Variants in DIAPH1 observed in about 807,000 individuals in gnomAD.
The protein encoded by DIAPH1 is diaphanous related formin 1.
DIAPH1 carries 46 observed loss-of-function variants against 140.7 expected under a neutral mutation model. That is an observed-to-expected ratio of 0.33 (90% confidence interval 0.26 to 0.42). The LOEUF (loss-of-function observed/expected upper bound fraction) is 0.42. Among genes scored for constraint, DIAPH1 ranks in the 10% least tolerant of loss-of-function variants. DIAPH1 has a pLI of 1.00. For synonymous variants in DIAPH1, 565 were observed against 551.6 expected (o/e 1.02, Z -0.34); for missense variants, 1,310 against 1,558.7 (o/e 0.84, Z 2.69).
intron 18 of DIAPH1, among the ~76,000 whole-genome samples, chr5:141,559,456 A>G (rs2099893181): frequency 6.6e-6 from 1 of 152,240 alleles, no homozygotes; most frequent in Non-Finnish European, 1.5e-5. Flanking sequence ...GCAAACTGGC[A>G]TTAATGAACA....
At chr5:141,582,059 CAAA>C (rs70991705) in intron 7 of DIAPH1, 2,553 of 78,486 alleles carry the variant, frequency 0.033, no homozygotes, top group South Asian at 0.053. Context: ...GACTCCATCT[CAAA>C]AAAAAAAAAA....
At chr5:141,534,023 G>C (rs1046927053) in intron 19 of DIAPH1, among the ~76,000 whole-genome samples, 4 of 110,062 alleles carry the variant, frequency 3.6e-5, no homozygotes, top group Non-Finnish European at 6.8e-5. Context: ...AGAGTGGTGA[G>C]ACTGTGTCTC....
intron 18 of DIAPH1, among the ~76,000 whole-genome samples, chr5:141,568,274 C>T (rs2099894673): frequency 6.7e-6 from 1 of 149,184 alleles, no homozygotes; most frequent in Non-Finnish European, 1.5e-5. Context: ...AAAATGCTCC[C>T]TTGGAGAAAA....
chr5:141,527,725 A>G, intron 23 of DIAPH1, 28 bp from the exon 24 acceptor site: 2 of 1,516,422 alleles, frequency 1.3e-6, no homozygotes, highest in Non-Finnish European at 8.9e-7. Flanking sequence ...AAAAAAAACC[A>G]TAAAAACAGA....
intron 7 of DIAPH1, 43 bp from the exon 8 acceptor site, chr5:141,580,926 G>T: frequency 1.2e-6 from 2 of 1,613,762 alleles, no homozygotes; most frequent in Non-Finnish European, 1.7e-6. Context: ...AAAGACGAAA[G>T]CATCTAACTG....
At position 141,528,436 on chromosome 5, in the gene DIAPH1, AT is replaced by A. The variant is rs1562284112; in HGVS notation, c.3148+16del. 1 of 1,614,046 alleles carries A rather than the reference AT, an allele frequency of 6.2e-7. No homozygotes were observed. Among genetic ancestry groups the A allele is most frequent in the South Asian group, 1.1e-5 (1 of 91,072 alleles). The stretch of plus-strand genomic sequence containing the variant: ...GCAGAGACTTTTGGGCTCTAGCTTC[AT>A]TCCAAACTGCCCCACCTCGGCTGGC... On this transcript the variant is annotated intron_variant, in intron 23 of 27. Coordinates refer to ENST00000389054, the MANE Select transcript of DIAPH1 (RefSeq NM_005219.5).
chr5:141,543,107 C>T (rs1344990479), intron 18 of DIAPH1, among the ~76,000 whole-genome samples: 1 of 151,348 alleles, frequency 6.6e-6, no homozygotes, highest in Non-Finnish European at 1.5e-5. Context: ...TTCATAGTAG[C>T]ATTATTTATA....
chr5:141,567,504 G>A (rs908192654), intron 18 of DIAPH1, among the ~76,000 whole-genome samples: 4 of 152,200 alleles, frequency 2.6e-5, no homozygotes, highest in African/African-American at 9.7e-5. Context: ...CCCAACAAGT[G>A]TTCACTTGAC....
chr5:141,598,571 T>C (rs1418866729), intron 1 of DIAPH1, among the ~76,000 whole-genome samples: 4 of 152,150 alleles, frequency 2.6e-5, no homozygotes, highest in African/African-American at 4.8e-5. Flanking sequence ...TTACTCCCCT[T>C]CCAGAGAGTA....
At chr5:141,533,680 CTATT>C (rs1265204193) in intron 19 of DIAPH1, among the ~76,000 whole-genome samples, 1 of 152,048 alleles carries the variant, frequency 6.6e-6, no homozygotes, top group African/African-American at 2.4e-5. Flanking sequence ...GACCCCTTCT[CTATT>C]TATTTAATAA....
intron 19 of DIAPH1, among the ~76,000 whole-genome samples, chr5:141,530,169 C>T (rs2099887994): frequency 6.6e-6 from 1 of 152,188 alleles, no homozygotes; most frequent in Non-Finnish European, 1.5e-5. Flanking sequence ...CTGCCTTGAC[C>T]TTAAACCACC....
At chr5:141,579,609 T>C (rs1027528861) in intron 8 of DIAPH1, among the ~76,000 whole-genome samples, 1 of 152,182 alleles carries the variant, frequency 6.6e-6, no homozygotes, top group Non-Finnish European at 1.5e-5. Context: ...CAGTATCATT[T>C]GTAAAAATGA....
chr5:141,522,418 G>C (rs2099886681), intron 27 of DIAPH1, among the ~76,000 whole-genome samples: 1 of 151,918 alleles, frequency 6.6e-6, no homozygotes, highest in Non-Finnish European at 1.5e-5. Flanking sequence ...TTTCTACTTG[G>C]AAAGAAGTGA....
At chr5:141,606,547 A>G (rs896679983) in intron 1 of DIAPH1, among the ~76,000 whole-genome samples, 6 of 152,118 alleles carry the variant, frequency 3.9e-5, no homozygotes, top group African/African-American at 1.4e-4. Flanking sequence ...ACTGGGCACC[A>G]CCACGCCTGG....
At chr5:141,541,650 A>T (rs1190271398) in intron 18 of DIAPH1, among the ~76,000 whole-genome samples, 2 of 149,706 alleles carry the variant, frequency 1.3e-5, no homozygotes, top group African/African-American at 4.9e-5. Context: ...GTGCCACTGC[A>T]CTCCAGCCTG....
intron 1 of DIAPH1, among the ~76,000 whole-genome samples, chr5:141,604,367 T>G (rs1481559878): frequency 6.6e-6 from 1 of 152,208 alleles, no homozygotes; most frequent in Non-Finnish European, 1.5e-5. Flanking sequence ...TGCTCTTCCT[T>G]TCTTACTAGG....
At chr5:141,523,188 C>T (rs1156921208) in intron 27 of DIAPH1, among the ~76,000 whole-genome samples, 1 of 152,234 alleles carries the variant, frequency 6.6e-6, no homozygotes, top group Non-Finnish European at 1.5e-5. Flanking sequence ...AATGGGCCTA[C>T]ACAATGCAAC....
intron 2 of DIAPH1, among the ~76,000 whole-genome samples, chr5:141,587,681 T>C (rs2099897743): frequency 6.6e-6 from 1 of 152,236 alleles, no homozygotes; most frequent in South Asian, 2.1e-4. Context: ...TCAGGATTCA[T>C]TCCTTTCTCT....
At chr5:141,587,581 T>C (rs2099897731) in intron 2 of DIAPH1, 1 of 277,896 alleles carries the variant, frequency 3.6e-6, no homozygotes, top group African/African-American at 2.2e-5. Context: ...CAATAAATGT[T>C]GCTAGGACCC....
Sources: allele counts gnomAD v4.1 joint callset (sites outside exome capture counted in the v4.1 genomes callset), GRCh38; gene constraint gnomAD v4.1.1; transcripts MANE v1.5; gene names NCBI Gene and HGNC (gene_info 2026-07-23, HGNC 2026-07-21).